Variants in BBS9 observed in about 807,000 individuals in gnomAD.
BBS9 encodes the protein protein PTHB1.
BBS9 carries 89 observed loss-of-function variants against 117.7 expected under a neutral mutation model. The ratio of observed to expected loss-of-function variants is 0.76; its 90% confidence interval spans 0.64 to 0.90. The LOEUF (loss-of-function observed/expected upper bound fraction) is 0.90, where lower values mean the gene tolerates loss of function less well. Ranked by LOEUF, BBS9 falls within the 40% of genes least tolerant of loss-of-function variation. The pLI, the probability that BBS9 is intolerant of heterozygous loss-of-function variation, is 0.00. For synonymous variants in BBS9, 379 were observed against 370.9 expected (o/e 1.02, Z -0.25); for missense variants, 982 against 1,042.2 (o/e 0.94, Z 0.80).
chr7:33,402,103 G>A lies in BBS9; in HGVS notation c.2115+13959G>A, dbSNP rs138814149. ...GGTCCTGGTCCTTATGGTCAAATGT[G>A]TCAACAAATTGCCTCATTAGATGAG... On this transcript the variant is annotated intron_variant, in intron 19 of 22. Transcript: ENST00000242067. Among the ~76,000 whole-genome samples, 1,286 of 152,252 alleles carry A rather than the reference G, an allele frequency of 8.4e-3. 22 individuals are homozygous for A. Among genetic ancestry groups the A allele is most frequent in the South Asian group, 0.046 (220 of 4,830 alleles).
chr7:33,485,731 A>G (rs1843026745), intron 19 of BBS9, among the ~76,000 whole-genome samples: 1 of 152,240 alleles, frequency 6.6e-6, no homozygotes, highest in Non-Finnish European at 1.5e-5. Flanking sequence ...ATAGTAGGCC[A>G]AATTATGACA....
At chr7:33,269,858 A>G (rs546971664) in intron 7 of BBS9, among the ~76,000 whole-genome samples, 3 of 152,010 alleles carry the variant, frequency 2.0e-5, no homozygotes, top group Non-Finnish European at 4.4e-5. Flanking sequence ...CCCTGTCTCT[A>G]CTAAAAATAC....
chr7:33,165,921 G>A (rs984738195), intron 4 of BBS9, among the ~76,000 whole-genome samples: 1 of 152,080 alleles, frequency 6.6e-6, no homozygotes, highest in African/African-American at 2.4e-5. Context: ...AGGTGCTCTG[G>A]TTTTTAGAAT....
chr7:33,391,088 T>C lies in BBS9; in HGVS notation c.2115+2944T>C, dbSNP rs77094248. The stretch of plus-strand genomic sequence containing the variant: ...GAGTCTAACATTGAGAAATCCTTTT[T>C]CGACAACTCTCCTGGGATCGAACAA... On this transcript the variant is annotated intron_variant, in intron 19 of 22. Transcript: ENST00000242067. 3.2e-3 allele frequency among the ~76,000 whole-genome samples: 490 copies of C among 152,314 alleles called. 14 individuals carry two copies. The East Asian group carries it at 0.066, about 20-fold the overall frequency.
At chr7:33,338,447 T>C (rs1398029417) in intron 10 of BBS9, among the ~76,000 whole-genome samples, 1 of 152,168 alleles carries the variant, frequency 6.6e-6, no homozygotes, top group Non-Finnish European at 1.5e-5. Context: ...TAATGTCACT[T>C]ATTTTAGTTT....
intron 20 of BBS9, among the ~76,000 whole-genome samples, chr7:33,522,744 T>C (rs1848833897): frequency 6.6e-6 from 1 of 150,562 alleles, no homozygotes; most frequent in Non-Finnish European, 1.5e-5. Context: ...AGAAGCTCTT[T>C]AGTTTAATTA....
chr7:33,276,396 A>G (rs1436502721), intron 9 of BBS9, among the ~76,000 whole-genome samples: 1 of 152,224 alleles, frequency 6.6e-6, no homozygotes, highest in Non-Finnish European at 1.5e-5. Context: ...TTCAAAAATG[A>G]TCATAAGTAC....
At chr7:33,498,066 T>G (rs1326422810) in intron 19 of BBS9, among the ~76,000 whole-genome samples, 1 of 152,142 alleles carries the variant, frequency 6.6e-6, no homozygotes, top group Non-Finnish European at 1.5e-5. Context: ...TATTGTTTTA[T>G]AGGTGAGAAA....
chr7:33,393,320 G>T (rs1827376711), intron 19 of BBS9, among the ~76,000 whole-genome samples: 1 of 152,194 alleles, frequency 6.6e-6, no homozygotes, highest in African/African-American at 2.4e-5. Context: ...CTATTATCCA[G>T]TTTTTTAAAT....
intron 19 of BBS9, among the ~76,000 whole-genome samples, chr7:33,404,689 G>A (rs995125567): frequency 6.0e-5 from 9 of 150,218 alleles, no homozygotes; most frequent in South Asian, 4.3e-4. Flanking sequence ...TTTGTACATT[G>A]ATTTTGTATC....
intron 10 of BBS9, among the ~76,000 whole-genome samples, chr7:33,340,567 T>C (rs1816308096): frequency 6.6e-6 from 1 of 152,162 alleles, no homozygotes; most frequent in African/African-American, 2.4e-5. Context: ...TTTTACATTT[T>C]GCTAGTTCTA....
chr7:33,490,406 A>G (rs1170384526), intron 19 of BBS9, among the ~76,000 whole-genome samples: 1 of 152,230 alleles, frequency 6.6e-6, no homozygotes, highest in Non-Finnish European at 1.5e-5. Flanking sequence ...ACATGAGAAT[A>G]TCAATGCCAG....
At chr7:33,147,266 T>G (rs1182150742) in intron 2 of BBS9, among the ~76,000 whole-genome samples, 5 of 145,316 alleles carry the variant, frequency 3.4e-5, no homozygotes, top group Admixed American at 2.8e-4. Flanking sequence ...GCTTTTTTTT[T>G]GTGATCTAGT....
intron 19 of BBS9, among the ~76,000 whole-genome samples, chr7:33,478,640 G>T (rs1254755599): frequency 6.6e-6 from 1 of 151,876 alleles, no homozygotes; most frequent in East Asian, 1.9e-4. Flanking sequence ...AAACAATCAG[G>T]AATATTTGTT....
chr7:33,434,109 T>C (rs1384473176), intron 19 of BBS9, among the ~76,000 whole-genome samples: 5 of 152,002 alleles, frequency 3.3e-5, no homozygotes, highest in African/African-American at 4.8e-5. Flanking sequence ...TTTTTATCAA[T>C]AATGATGGAT....
downstream of BBS9, among the ~76,000 whole-genome samples, chr7:33,606,625 C>T (rs1864584609): frequency 6.6e-6 from 1 of 152,100 alleles, no homozygotes; most frequent in South Asian, 2.1e-4. Flanking sequence ...TCTATTCTGG[C>T]TAATGTGGGG....
intron 9 of BBS9, among the ~76,000 whole-genome samples, chr7:33,320,739 T>C (rs1477797517): frequency 6.6e-6 from 1 of 152,152 alleles, no homozygotes. Context: ...TCTCCATATT[T>C]TCCTCAGCAT....
At chr7:33,591,830 A>G (rs1861966538) in intron 21 of BBS9, among the ~76,000 whole-genome samples, 5 of 152,034 alleles carry the variant, frequency 3.3e-5, no homozygotes, top group Non-Finnish European at 7.4e-5. Context: ...TAAATAGAAA[A>G]CAATGAATGT....
At chr7:33,550,603 T>A (rs1185644828) in intron 21 of BBS9, among the ~76,000 whole-genome samples, 1 of 152,136 alleles carries the variant, frequency 6.6e-6, no homozygotes, top group Non-Finnish European at 1.5e-5. Context: ...ACTGTCATGC[T>A]GAATGAAGCC....
Sources: allele counts gnomAD v4.1 joint callset (sites outside exome capture counted in the v4.1 genomes callset), GRCh38; gene constraint gnomAD v4.1.1; transcripts MANE v1.5; gene names NCBI Gene and HGNC (gene_info 2026-07-23, HGNC 2026-07-21).